GREB1L: variants seen among roughly 807,000 people sequenced by gnomAD.
GREB1L encodes GREB1 like retinoic acid receptor coactivator.
In GREB1L, 17 loss-of-function variants were observed where a neutral mutation model predicts 200.8. The observed-to-expected ratio is 0.08, with a 90% CI of 0.06 to 0.13. GREB1L has a LOEUF of 0.13. Ranked by LOEUF, GREB1L falls within the 10% of genes least tolerant of loss-of-function variation. The pLI is 1.00. For synonymous variants in GREB1L, 789 were observed against 893.0 expected, an observed-to-expected ratio of 0.88 and a Z score of 2.08; for missense variants, 1,657 against 2,367.7, an observed-to-expected ratio of 0.70 and a Z score of 6.23.
At chr18:21,256,672 A>G (rs2037803320) in intron 1 of GREB1L, among the ~76,000 whole-genome samples, 1 of 152,178 alleles carries the variant, frequency 6.6e-6, no homozygotes, top group Non-Finnish European at 1.5e-5. Context: ...ATTCCAAAAC[A>G]GGTCACATTT....
rs957309942 is a variant in GREB1L, at chr18:21,523,983, C to T, written c.*1162C>T. On this transcript the variant is annotated 3_prime_UTR_variant, in exon 33 of 33. Transcript: ENST00000424526. Reference sequence around the variant, plus strand: ...CGGCAATGGGAGGCATATGTTTCTACAGATTTCTCAAATATTTTAATCAAA... The same window carrying T: ...CGGCAATGGGAGGCATATGTTTCTATAGATTTCTCAAATATTTTAATCAAA... The T allele has an allele frequency of 7.9e-5, 12 of 152,202 alleles. No individual in the cohort carries two copies. The South Asian group carries it at 1.0e-3, about 13-fold the overall frequency. The allele number at this position is 152,202 out of a possible 1,614,324, so 9.4% of individuals were successfully genotyped here.
intron 7 of GREB1L, among the ~76,000 whole-genome samples, chr18:21,410,098 T>G (rs2030779518): frequency 6.6e-6 from 1 of 152,162 alleles, no homozygotes; most frequent in Non-Finnish European, 1.5e-5. Flanking sequence ...ATGTACTGTC[T>G]TTCTAAATGA....
In GREB1L at chr18:21,451,257, T is replaced by C. The variant is rs574917545; in HGVS notation, c.1849+106T>C. The C allele has an allele frequency of 6.1e-5, 75 of 1,222,926 alleles. 2 individuals are homozygous for C. The South Asian group carries it at 1.1e-3, about 18-fold the overall frequency. The allele number at this position is 1,222,926 out of a possible 1,614,324, so 75.8% of individuals were successfully genotyped here. A position where few individuals can be genotyped will look rare whatever the true frequency, so the allele number is the denominator to read the frequency against. On this transcript the variant is annotated intron_variant, in intron 13 of 32. Transcript: ENST00000424526. Reference sequence around the variant, plus strand: ...GAGTGTGGAGCTCAAGCTTGCCAGCTGATCTTTCATTTGAAATGGTTTATC... The same window carrying C: ...GAGTGTGGAGCTCAAGCTTGCCAGCCGATCTTTCATTTGAAATGGTTTATC...
At chr18:21,441,258 T>C in intron 9 of GREB1L, 142 bp from the exon 10 acceptor site, 5 of 681,760 alleles carry the variant, frequency 7.3e-6, no homozygotes, top group Non-Finnish European at 1.1e-5. Context: ...CTTATCACTT[T>C]ACACAATAAA....
intron 1 of GREB1L, among the ~76,000 whole-genome samples, chr18:21,340,966 A>G (rs1214354895): frequency 6.6e-6 from 1 of 152,210 alleles, no homozygotes; most frequent in Non-Finnish European, 1.5e-5. Flanking sequence ...AATACATGCA[A>G]CGTACTTCAC....
At chr18:21,364,566 A>G (rs1231434601) in intron 1 of GREB1L, among the ~76,000 whole-genome samples, 2 of 152,244 alleles carry the variant, frequency 1.3e-5, no homozygotes, top group Non-Finnish European at 2.9e-5. Context: ...TAAGATGATT[A>G]GAAGCTTTAA....
intron 15 of GREB1L, among the ~76,000 whole-genome samples, chr18:21,464,962 T>C (rs1161251180): frequency 6.6e-6 from 1 of 152,220 alleles, no homozygotes; most frequent in Non-Finnish European, 1.5e-5. Context: ...GACAACCAAG[T>C]ATAATAATTC....
At chr18:21,272,003 A>G (rs2038087410) in intron 1 of GREB1L, among the ~76,000 whole-genome samples, 1 of 152,202 alleles carries the variant, frequency 6.6e-6, no homozygotes, top group Admixed American at 6.5e-5. Context: ...GTGGGGGTAG[A>G]TACTAAAAAC....
chr18:21,451,057 G>A lies in GREB1L; in HGVS notation c.1755G>A (p.Met585Ile). 1.3e-6 allele frequency: 2 copies of A among 1,552,038 alleles called. No homozygotes were observed. The highest frequency in any genetic ancestry group is 1.7e-6 in the Non-Finnish European group (2 of 1,147,004). ...AGTCCCGAGCTCTGGCAGAGAGCAT[G>A]CTCACCACAAGTGAGTTTTTGAAAG... is the stretch of plus-strand genomic sequence containing the variant. ...QHQSRALAES[M>I]LTTSEFLKEI... Residue 585 changes from methionine to isoleucine, a missense_variant, in exon 13 of 33, where the codon ATG becomes ATA. By Grantham distance (10) the Met-to-Ile change is conservative. Around this residue, in one of 9 missense-constraint regions of GREB1L, gnomAD observed 239 missense variants for 421.8 expected, o/e 0.57. Coordinates refer to ENST00000424526, the MANE Select transcript of GREB1L (RefSeq NM_001142966.3).
chr18:21,400,038 T>A (rs1444933886), intron 5 of GREB1L, among the ~76,000 whole-genome samples: 1 of 152,178 alleles, frequency 6.6e-6, no homozygotes, highest in Non-Finnish European at 1.5e-5. Context: ...TATTTACATA[T>A]AGAAATATTG....
chr18:21,508,305 G>A (rs1208673011), intron 26 of GREB1L, 26 bp downstream of exon 26: 3 of 1,551,412 alleles, frequency 1.9e-6, no homozygotes, highest in Middle Eastern at 1.7e-4. Flanking sequence ...TGGACTGGCA[G>A]GCACCAGACC....
intron 19 of GREB1L, 45 bp downstream of exon 19, chr18:21,490,396 C>A (rs2036286172): frequency 6.7e-7 from 1 of 1,493,584 alleles, no homozygotes; most frequent in Non-Finnish European, 9.0e-7. Context: ...CCATTTGTTT[C>A]TCTTTTCTAG....
At chr18:21,358,636 G>T (rs1289171864) in intron 1 of GREB1L, among the ~76,000 whole-genome samples, 1 of 152,150 alleles carries the variant, frequency 6.6e-6, no homozygotes, top group African/African-American at 2.4e-5. Flanking sequence ...ATAAGTGTCA[G>T]CTAAGCTGTG....
At position 21,526,015 on chromosome 18, in the gene GREB1L, A is replaced by AGAC. The variant is rs1437040763; in HGVS notation, c.*3195_*3197dup. On this transcript the variant is annotated 3_prime_UTR_variant, in exon 33 of 33. Transcript: ENST00000424526. ...ACATTCCAAAGCAGCTGCCTTGAAA[A>AGAC]GACTATTAATTAACTGTGAAACTGA... Among the ~76,000 whole-genome samples, 3 of 152,256 alleles carry AGAC rather than the reference A, an allele frequency of 2.0e-5. No homozygotes were observed. In the East Asian group the frequency reaches 5.8e-4, roughly 29 times the overall value.
At chr18:21,249,779 G>A (rs2037670555) in intron 1 of GREB1L, among the ~76,000 whole-genome samples, 1 of 151,756 alleles carries the variant, frequency 6.6e-6, no homozygotes, top group African/African-American at 2.4e-5. Flanking sequence ...AGAATCATTT[G>A]AACTCCGGAG....
chr18:21,503,719 G>A (rs550733061), intron 23 of GREB1L, among the ~76,000 whole-genome samples: 4 of 151,828 alleles, frequency 2.6e-5, no homozygotes, highest in Non-Finnish European at 5.9e-5. Context: ...TGGGATTAAA[G>A]GCATGCACCA....
chr18:21,416,375 C>A (rs2031631712), intron 7 of GREB1L, among the ~76,000 whole-genome samples: 1 of 151,916 alleles, frequency 6.6e-6, no homozygotes, highest in Admixed American at 6.6e-5. Context: ...AGAAATAATC[C>A]CCCACAGGTT....
intron 15 of GREB1L, among the ~76,000 whole-genome samples, chr18:21,456,493 A>T (rs965979704): frequency 2.0e-5 from 3 of 152,182 alleles, no homozygotes; most frequent in Admixed American, 6.5e-5. Context: ...AAAAGTTTTT[A>T]AAAAGGCCTC....
chr18:21,420,954 G>A (rs2032096535), intron 7 of GREB1L, among the ~76,000 whole-genome samples: 1 of 152,108 alleles, frequency 6.6e-6, no homozygotes, highest in Non-Finnish European at 1.5e-5. Context: ...TGATACCCAT[G>A]ACAATGTGGA....
Sources: gnomAD v4.1 joint callset for allele counts (sites outside exome capture counted in the v4.1 genomes callset) on GRCh38, gnomAD v4.1.1 for gene constraint, gnomAD v4.1.1 regional missense constraint, MANE v1.5 for transcripts, NCBI Gene and HGNC (gene_info 2026-07-23, HGNC 2026-07-21) for gene names.